Variants in MARCHF10 observed in about 807,000 individuals in gnomAD.
MARCHF10 encodes membrane associated ring-CH-type finger 10.
MARCHF10 carries 64 observed loss-of-function variants against 76.2 expected under a neutral mutation model. The observed-to-expected ratio is 0.84, with a 90% CI of 0.69 to 1.03. MARCHF10 has a LOEUF of 1.03. Ranked by LOEUF, MARCHF10 falls within the 50% of genes least tolerant of loss-of-function variation. The pLI, the probability that MARCHF10 is intolerant of heterozygous loss-of-function variation, is 0.00. For synonymous variants in MARCHF10, 340 were observed against 357.5 expected (o/e 0.95, Z 0.55); for missense variants, 875 against 958.0 (o/e 0.91, Z 1.14).
intron 10 of MARCHF10, among the ~76,000 whole-genome samples, chr17:62,704,097 C>T (rs1296936979): frequency 2.0e-5 from 3 of 151,770 alleles, no homozygotes; most frequent in African/African-American, 4.8e-5. Flanking sequence ...CTCCCGGCCG[C>T]GGCTGGACGG....
intron 5 of MARCHF10, among the ~76,000 whole-genome samples, chr17:62,742,312 G>C (rs2091544363): frequency 6.6e-6 from 1 of 152,134 alleles, no homozygotes; most frequent in Non-Finnish European, 1.5e-5. Context: ...GAGCCACCAT[G>C]CCCAGCCTCC....
At chr17:62,735,461 A>G (rs948016084) in intron 6 of MARCHF10, 1 of 154,132 alleles carries the variant, frequency 6.5e-6, no homozygotes, top group Non-Finnish European at 1.4e-5. Context: ...AACTATGGTA[A>G]CTAAGAACGG....
Position 62,801,805 on chromosome 17 carries a change from C to T in MARCHF10, c.-17-53G>A, listed in dbSNP as rs189918599. The stretch of plus-strand genomic sequence containing the variant: ...TGTGTTAGAGTCCTTTGTCGTGATG[C>T]CGTATTTGGATTTATTTTCATCTAA... On this transcript the variant is annotated intron_variant, in intron 1 of 10. Transcript: ENST00000311269. The T allele has an allele frequency of 3.9e-6, 5 of 1,271,148 alleles. No homozygotes were observed. In the Admixed American group the frequency reaches 8.5e-5, roughly 22 times the overall value. 78.7% of individuals were successfully genotyped at this position (1,271,148 alleles called of 1,614,324 possible).
At position 62,772,598 on chromosome 17, in the gene MARCHF10, TG is replaced by T. The variant is rs545711576; in HGVS notation, c.211-12593del. ...TTTGGGGATCAAAGTGAGGTTTGGGTGGGAAATGTAGGCCTGGGAGTCATTG... is the reference window on the plus strand; with the variant it reads ...TTTGGGGATCAAAGTGAGGTTTGGGTGGAAATGTAGGCCTGGGAGTCATTG... On this transcript the variant is annotated intron_variant, in intron 3 of 10. Transcript: ENST00000311269. Among the ~76,000 whole-genome samples, 514 of 152,062 alleles carry T rather than the reference TG, an allele frequency of 3.4e-3. 8 individuals carry two copies. The highest frequency in any genetic ancestry group is 0.012 in the African/African-American group (485 of 41,472).
chr17:62,769,451 T>C (rs1211121745), intron 3 of MARCHF10, among the ~76,000 whole-genome samples: 3 of 152,218 alleles, frequency 2.0e-5, no homozygotes, highest in Non-Finnish European at 4.4e-5. Context: ...AGAGTCTCGC[T>C]CTGTCACCTA....
chr17:62,807,808 A>T (rs1435046057), intron 1 of MARCHF10, among the ~76,000 whole-genome samples: 2 of 152,184 alleles, frequency 1.3e-5, no homozygotes, highest in Non-Finnish European at 2.9e-5. Flanking sequence ...TCAGAAGCCC[A>T]GTGGGCCATG....
chr17:62,731,585 A>G (rs545962556), intron 6 of MARCHF10, among the ~76,000 whole-genome samples: 1 of 152,332 alleles, frequency 6.6e-6, no homozygotes, highest in South Asian at 2.1e-4. Context: ...AATGACAAAC[A>G]TTAAAAAGCA....
rs2091293011 is a variant in MARCHF10, at chr17:62,736,910, C to CA, written c.957dup (p.Gly320TrpfsTer11). ...TTGGCCTGAGGGGTCGATGTCCCCCCAAATCTACTTCTTTTGTGATGGGAA... is the reference window on the plus strand; with the variant it reads ...TTGGCCTGAGGGGTCGATGTCCCCCCAAAATCTACTTCTTTTGTGATGGGAA... On this transcript the variant is annotated frameshift_variant, in exon 6 of 11. Coordinates refer to ENST00000311269, the MANE Select transcript of MARCHF10 (RefSeq NM_152598.4). LOFTEE classifies it high-confidence loss of function. 3 of 1,613,986 alleles carry CA rather than the reference C, an allele frequency of 1.9e-6. No individual in the cohort carries two copies.
In MARCHF10 at chr17:62,786,183, C is replaced by T. The variant is rs527584973; in HGVS notation, c.210+2297G>A. On this transcript the variant is annotated intron_variant, in intron 3 of 10. Coordinates refer to ENST00000311269, the MANE Select transcript of MARCHF10 (RefSeq NM_152598.4). ...TTAAGAAAATGTGGCACATATATAC[C>T]ATGGAATACTATGCAGCCATAAAAA... Among the ~76,000 whole-genome samples, 8 of 152,124 alleles carry T rather than the reference C, an allele frequency of 5.3e-5. No individual in the cohort carries two copies. The South Asian group carries it at 1.7e-3, about 32-fold the overall frequency.
At chr17:62,773,155 G>A (rs2092479077) in intron 3 of MARCHF10, among the ~76,000 whole-genome samples, 1 of 152,190 alleles carries the variant, frequency 6.6e-6, no homozygotes, top group South Asian at 2.1e-4. Context: ...AAGGTTCAGA[G>A]CCTGGGTGGA....
chr17:62,796,150 T>G (rs1465547950), intron 2 of MARCHF10, among the ~76,000 whole-genome samples: 1 of 152,032 alleles, frequency 6.6e-6, no homozygotes, highest in Admixed American at 6.5e-5. Context: ...ATTACAGGTG[T>G]GCACCACCAC....
chr17:62,745,407 C>T (rs1232780055), intron 4 of MARCHF10, among the ~76,000 whole-genome samples: 1 of 152,096 alleles, frequency 6.6e-6, no homozygotes, highest in Non-Finnish European at 1.5e-5. Flanking sequence ...CCCAGCCTTG[C>T]TAAGAAGTTT....
chr17:62,726,849 G>A (rs557864267), intron 6 of MARCHF10, among the ~76,000 whole-genome samples: 3 of 152,072 alleles, frequency 2.0e-5, no homozygotes, highest in South Asian at 2.1e-4. Context: ...GGCTGGTCTC[G>A]AACCCTTGAC....
chr17:62,795,780 A>G (rs939369295), intron 2 of MARCHF10, among the ~76,000 whole-genome samples: 3 of 152,216 alleles, frequency 2.0e-5, no homozygotes, highest in African/African-American at 7.2e-5. Context: ...ATTCGTGTCT[A>G]GTTATTAGGT....
At position 62,736,412 on chromosome 17, in the gene MARCHF10, G is replaced by A; in HGVS notation, c.1456C>T (p.Pro486Ser). ...GTCGATGACATTGACAAGTCTACTG[G>A]AATATCATCTCTCAGAGCAGAATGC... ...FMHSALRDDI[P>S]VDLSMSSTSV... The change falls in exon 6 of 11, where the codon CCA (proline) becomes TCA (serine). Residue 486 changes from proline to serine, a missense_variant. Physicochemically the swap from Pro to Ser is moderately conservative, Grantham distance 74 (BLOSUM62 -1). Transcript: ENST00000311269. 6.2e-7 allele frequency: 1 copy of A among 1,614,100 alleles called. No homozygotes were observed. The highest frequency in any genetic ancestry group is 1.3e-5 in the African/African-American group (1 of 75,052).
Position 62,759,964 on chromosome 17 carries a change from T to G in MARCHF10, c.253A>C (p.Ile85Leu), listed in dbSNP as rs1187499817. 1.2e-6 allele frequency: 2 copies of G among 1,614,008 alleles called. No individual in the cohort carries two copies. The highest frequency in any genetic ancestry group is 1.7e-6 in the Non-Finnish European group (2 of 1,180,012). The change falls in exon 4 of 11, where the codon ATC becomes CTC. Residue 85 changes from isoleucine (I) to leucine (L), a missense_variant. Transcript: ENST00000311269. ...EDALTEPRSS[I>L]KISAFKCDSK... ...TCACACTTAAATGCAGATATCTTGA[T>G]AGATGACCTTGGTTCAGTTAGAGCA...
chr17:62,705,644 T>C, intron 9 of MARCHF10, 63 bp from the exon 10 acceptor site: 2 of 1,595,526 alleles, frequency 1.3e-6, no homozygotes, highest in Non-Finnish European at 1.7e-6. Context: ...AACAGATGTA[T>C]AACCTCCTAG....
chr17:62,754,472 G>A (rs2091984447), intron 4 of MARCHF10, among the ~76,000 whole-genome samples: 1 of 152,140 alleles, frequency 6.6e-6, no homozygotes, highest in Admixed American at 6.6e-5. Flanking sequence ...GTTGGGAGGA[G>A]GGTTCATAAG....
intron 2 of MARCHF10, among the ~76,000 whole-genome samples, chr17:62,791,298 C>T (rs1370097107): frequency 6.6e-6 from 1 of 152,230 alleles, no homozygotes; most frequent in East Asian, 1.9e-4. Flanking sequence ...CCGAAAGGGG[C>T]AGATGTCTGT....
Sources: gnomAD v4.1 joint callset for allele counts (sites outside exome capture counted in the v4.1 genomes callset) on GRCh38, gnomAD v4.1.1 for gene constraint, MANE v1.5 for transcripts, NCBI Gene and HGNC (gene_info 2026-07-23, HGNC 2026-07-21) for gene names.